Variants in TIPARP observed in about 807,000 individuals in gnomAD.
TIPARP encodes protein mono-ADP-ribosyltransferase TIPARP.
A neutral mutation model predicts 56.5 loss-of-function variants in TIPARP; 12 were observed. The observed-to-expected ratio is 0.21, with a 90% CI of 0.14 to 0.34. The LOEUF is 0.34. Among genes scored for constraint, TIPARP ranks in the 10% least tolerant of loss-of-function variants. TIPARP has a pLI of 1.00. For missense variants in TIPARP, 604 were observed against 781.6 expected (o/e 0.77, Z 2.71); for synonymous variants, 296 against 265.7 (o/e 1.11, Z -1.11).
At chr3:156,697,634 G>C (rs986677695) in intron 4 of TIPARP, among the ~76,000 whole-genome samples, 3 of 152,086 alleles carry the variant, frequency 2.0e-5, no homozygotes, top group Non-Finnish European at 4.4e-5. Flanking sequence ...AAATCTATTA[G>C]TGCTGTATTT....
intron 2 of TIPARP, among the ~76,000 whole-genome samples, chr3:156,692,910 A>G (rs575141667): frequency 1.3e-5 from 2 of 152,262 alleles, no homozygotes; most frequent in South Asian, 4.1e-4. Flanking sequence ...CAGTGGTGCA[A>G]CCACAGATCA....
intron 2 of TIPARP, among the ~76,000 whole-genome samples, chr3:156,692,221 A>G (rs1226891951): frequency 6.6e-6 from 1 of 152,130 alleles, no homozygotes; most frequent in Non-Finnish European, 1.5e-5. Flanking sequence ...TAACAGGGAG[A>G]AAGTTTTTTA....
At chr3:156,676,150 T>C (rs1401348112) in intron 1 of TIPARP, among the ~76,000 whole-genome samples, 1 of 152,254 alleles carries the variant, frequency 6.6e-6, no homozygotes, top group Non-Finnish European at 1.5e-5. Flanking sequence ...CAATTGTGCC[T>C]TGAGGCAATA....
rs867711223 is a variant in TIPARP, at chr3:156,694,323, G to T, written c.1086+135G>T. 7.1e-6 allele frequency: 5 copies of T among 703,640 alleles called. No homozygotes were observed. In the African/African-American group the frequency reaches 9.3e-5, roughly 13 times the overall value. 43.6% of individuals were successfully genotyped at this position (703,640 alleles called of 1,614,324 possible). ...TCAAACAGCTTATGAATATAAAATT[G>T]AGTCTCATTGATACAAGAAAACTTT... On this transcript the variant is annotated intron_variant, in intron 3 of 5. Coordinates refer to ENST00000295924, the MANE Select transcript of TIPARP (RefSeq NM_015508.5).
chr3:156,679,554 G>A (rs931707402), intron 2 of TIPARP, among the ~76,000 whole-genome samples: 3 of 152,190 alleles, frequency 2.0e-5, no homozygotes, highest in African/African-American at 7.2e-5. Context: ...AGCTATTTGT[G>A]TATGACCAAG....
At chr3:156,694,429 G>C (rs1259030404) in intron 3 of TIPARP, among the ~76,000 whole-genome samples, 1 of 152,078 alleles carries the variant, frequency 6.6e-6, no homozygotes, top group Non-Finnish European at 1.5e-5. Context: ...TAAATAAAAT[G>C]CTTTCCACAG....
In TIPARP at chr3:156,703,515, A is replaced by G. The variant is rs201451219; in HGVS notation, c.1339A>G (p.Asn447Asp). ...CTGCCCAGATGGGGTCACTTCAGCA[A>G]ACTTTTACCCTGAAACTTGGGTTTA... ...IICPDGVTSA[N>D]FYPETWVYMH... The change falls in exon 5 of 6, where the codon AAC (asparagine) becomes GAC (aspartate). Residue 447 changes from asparagine to aspartate, a missense_variant. Coordinates refer to ENST00000295924, the MANE Select transcript of TIPARP (RefSeq NM_015508.5). 18 of 1,614,220 alleles carry G rather than the reference A, an allele frequency of 1.1e-5. No individual in the cohort carries two copies. In the East Asian group the frequency reaches 3.3e-4, roughly 30 times the overall value.
At chr3:156,696,144 T>C (rs1722710364) in intron 4 of TIPARP, 119 bp downstream of exon 4, 1 of 1,068,720 alleles carries the variant, frequency 9.4e-7, no homozygotes, top group Admixed American at 3.2e-5. Context: ...GAATGTGAAA[T>C]TCCAAATTAG....
chr3:156,687,726 T>TA (rs1301976851), intron 2 of TIPARP, among the ~76,000 whole-genome samples: 5 of 152,330 alleles, frequency 3.3e-5, no homozygotes, highest in Middle Eastern at 6.8e-3. Flanking sequence ...TTAGGAAACT[T>TA]ACCTGCCTCT....
intron 4 of TIPARP, among the ~76,000 whole-genome samples, chr3:156,702,410 T>C (rs1722872272): frequency 6.6e-6 from 1 of 152,184 alleles, no homozygotes; most frequent in East Asian, 1.9e-4. Flanking sequence ...ATAGTATTAA[T>C]TGGTTATGAT....
intron 4 of TIPARP, among the ~76,000 whole-genome samples, chr3:156,700,872 T>TAGA (rs1226269519): frequency 6.6e-6 from 1 of 152,254 alleles, no homozygotes. Context: ...GATCCTTGTG[T>TAGA]AGAAGCTCAA....
At chr3:156,687,243 G>C (rs1203140702) in intron 2 of TIPARP, among the ~76,000 whole-genome samples, 1 of 152,154 alleles carries the variant, frequency 6.6e-6, no homozygotes, top group Non-Finnish European at 1.5e-5. Flanking sequence ...GACTAAACTT[G>C]AATAAAAGTT....
At chr3:156,680,201 C>T (rs1722258958) in intron 2 of TIPARP, among the ~76,000 whole-genome samples, 1 of 152,062 alleles carries the variant, frequency 6.6e-6, no homozygotes, top group South Asian at 2.1e-4. Context: ...TGTAGTTTTC[C>T]TGACTATAAA....
At chr3:156,698,738 G>A (rs1242147544) in intron 4 of TIPARP, among the ~76,000 whole-genome samples, 2 of 152,188 alleles carry the variant, frequency 1.3e-5, no homozygotes, top group African/African-American at 4.8e-5. Context: ...TTATCAAGTA[G>A]TCATTCTGAC....
chr3:156,678,549 T>C lies in TIPARP; in HGVS notation c.852T>C (p.Asp284=). Residue 284 remains aspartate (D), a synonymous_variant, in exon 2 of 6, where the codon GAT becomes GAC. Coordinates refer to ENST00000295924, the MANE Select transcript of TIPARP (RefSeq NM_015508.5). ...AAAAGTGGCAGAGTGTATTCAATGA[T>C]TCTCAGGAGCACTTGGAAAGATTTT... The part of the protein sequence containing the change: ...TTQKWQSVFN[D]SQEHLERFYC... 2 of 1,614,186 alleles carry C rather than the reference T, an allele frequency of 1.2e-6. No homozygotes were observed. Among genetic ancestry groups the C allele is most frequent in the Non-Finnish European group, 1.7e-6 (2 of 1,180,024 alleles).
rs1722946392 is a variant in TIPARP at position 156,705,027 on chromosome 3, GATA to G, written c.1873_1875del (p.Asn625del). Reference sequence around the variant, plus strand: ...CAGTGACCTTTATGACTCTTGTGTGGATAATTTCTTTGAGCCTCAGATTTTTGT... The same window carrying G: ...CAGTGACCTTTATGACTCTTGTGTGGATTTCTTTGAGCCTCAGATTTTTGT... On this transcript the variant is annotated inframe_deletion, in exon 6 of 6. Transcript: ENST00000295924. 6.2e-7 allele frequency: 1 copy of G among 1,613,988 alleles called. No homozygotes were observed. Among genetic ancestry groups the G allele is most frequent in the Admixed American group, 1.7e-5 (1 of 60,000 alleles).
Position 156,680,927 on chromosome 3 carries a change from G to T in TIPARP, c.917+2313G>T, listed in dbSNP as rs188564309. On this transcript the variant is annotated intron_variant, in intron 2 of 5. Transcript: ENST00000295924. Reference sequence around the variant, plus strand: ...TACTACATTGTTAGTGGTAATAAGTGGTCCTGTCCTAGGAAAATAGCAAAA... The same window carrying T: ...TACTACATTGTTAGTGGTAATAAGTTGTCCTGTCCTAGGAAAATAGCAAAA... 3.9e-5 allele frequency among the ~76,000 whole-genome samples: 6 copies of T among 152,282 alleles called. No homozygotes were observed. In the East Asian group the frequency reaches 1.2e-3, roughly 29 times the overall value.
At chr3:156,686,113 A>G (rs1040023920) in intron 2 of TIPARP, among the ~76,000 whole-genome samples, 2 of 152,222 alleles carry the variant, frequency 1.3e-5, no homozygotes, top group South Asian at 2.1e-4. Context: ...TGTGCAGAGT[A>G]TGTGAAACAG....
chr3:156,689,796 C>T (rs344010), intron 2 of TIPARP, among the ~76,000 whole-genome samples: 145,448 of 152,328 alleles, frequency 0.95, 69,468 homozygotes, highest in Middle Eastern at 0.99. Flanking sequence ...GGAGTCACTC[C>T]GCATGTGGTG....
Sources: allele counts gnomAD v4.1 joint callset (sites outside exome capture counted in the v4.1 genomes callset), GRCh38; gene constraint gnomAD v4.1.1; transcripts MANE v1.5; gene names NCBI Gene and HGNC (gene_info 2026-07-23, HGNC 2026-07-21).